The following SRGAP1 variants were observed in gnomAD, a reference collection of about 807,000 sequenced individuals.
SRGAP1 encodes SLIT-ROBO Rho GTPase activating protein 1.
Under a neutral mutation model 121.9 loss-of-function variants are expected in SRGAP1, and 43 were observed. That is an observed-to-expected ratio of 0.35 (90% CI 0.28 to 0.46). The LOEUF (loss-of-function observed/expected upper bound fraction) is 0.46. Among genes scored for constraint, SRGAP1 ranks in the 20% least tolerant of loss-of-function variants. The probability of loss-of-function intolerance (pLI) is 1.00; values close to 1 mark genes in which losing one functional copy is unlikely to be tolerated. For missense variants in SRGAP1, 1,102 were observed against 1,350.9 expected (o/e 0.82, Z 2.89); for synonymous variants, 447 against 485.4 (o/e 0.92, Z 1.04).
chr12:63,851,120 C>T (rs1899060156), intron 1 of SRGAP1, among the ~76,000 whole-genome samples: 1 of 152,184 alleles, frequency 6.6e-6, no homozygotes, highest in African/African-American at 2.4e-5. Flanking sequence ...TGTGCCACTG[C>T]ACTCCAGCCT....
chr12:64,061,131 T>G (rs573662523), intron 6 of SRGAP1, among the ~76,000 whole-genome samples: 1 of 152,316 alleles, frequency 6.6e-6, no homozygotes, highest in South Asian at 2.1e-4. Flanking sequence ...TCAAGTCATA[T>G]TCTCTTAAAA....
intron 16 of SRGAP1, 91 bp from the exon 17 acceptor site, chr12:64,111,671 T>C (rs1256754740): frequency 9.1e-7 from 1 of 1,101,354 alleles, no homozygotes; most frequent in East Asian, 2.6e-5. Context: ...TGAAGTATCT[T>C]ATTAAAGTAT....
At chr12:63,937,294 T>C (rs2136345878) in intron 1 of SRGAP1, among the ~76,000 whole-genome samples, 1 of 152,284 alleles carries the variant, frequency 6.6e-6, no homozygotes. Context: ...CCCATAATCA[T>C]ACAGCACAAA....
chr12:63,931,004 T>C (rs1470879953), intron 1 of SRGAP1, among the ~76,000 whole-genome samples: 1 of 152,192 alleles, frequency 6.6e-6, no homozygotes, highest in East Asian at 1.9e-4. Context: ...TGTGCATTTG[T>C]GTAGCCAGTG....
At chr12:63,996,959 G>A (rs2033729704) in intron 3 of SRGAP1, among the ~76,000 whole-genome samples, 1 of 151,954 alleles carries the variant, frequency 6.6e-6, no homozygotes, top group Non-Finnish European at 1.5e-5. Flanking sequence ...TATCAGGATG[G>A]CAAGCACATA....
intron 1 of SRGAP1, among the ~76,000 whole-genome samples, chr12:63,851,513 C>T (rs1330622947): frequency 6.6e-6 from 1 of 151,926 alleles, no homozygotes; most frequent in East Asian, 1.9e-4. Context: ...TGTGTGATCT[C>T]TAAGAGTCAA....
At chr12:64,035,462 TGGTATTCAGACACTCA>T (rs895651107) in intron 4 of SRGAP1, among the ~76,000 whole-genome samples, 7 of 152,196 alleles carry the variant, frequency 4.6e-5, no homozygotes, top group Non-Finnish European at 1.0e-4. Context: ...GCACAGTGTC[TGGTATTCAGACACTCA>T]GTAGCTGTTT....
Position 64,133,772 on chromosome 12 carries a change from C to T in SRGAP1, c.2880+5572C>T, listed in dbSNP as rs532147056. Among the ~76,000 whole-genome samples the T allele has an allele frequency of 2.1e-4, 32 of 152,254 alleles. 1 individual carries two copies. Among genetic ancestry groups the T allele is most frequent in the Middle Eastern group, 3.4e-3 (1 of 294 alleles). On this transcript the variant is annotated intron_variant, in intron 21 of 21. Coordinates refer to ENST00000355086, the MANE Select transcript of SRGAP1 (RefSeq NM_020762.4). The stretch of plus-strand genomic sequence containing the variant: ...CTCTGTTTTCATAATTCAAATTAGT[C>T]TTTTGTCCATCCAACCTAGAAGTTT...
intron 1 of SRGAP1, among the ~76,000 whole-genome samples, chr12:63,975,809 A>G (rs1347274372): frequency 1.3e-5 from 2 of 152,170 alleles, no homozygotes; most frequent in Non-Finnish European, 2.9e-5. Context: ...GAAGACAGAA[A>G]TGAGTGATTC....
intron 10 of SRGAP1, chr12:64,080,710 C>T: frequency 2.6e-6 from 1 of 379,088 alleles, no homozygotes. Context: ...GTCTCTTCTT[C>T]CTTCCCTTCT....
intron 1 of SRGAP1, among the ~76,000 whole-genome samples, chr12:63,903,645 T>C (rs916495090): frequency 2.0e-5 from 3 of 150,634 alleles, no homozygotes; most frequent in African/African-American, 5.0e-5. Context: ...CACCGCAACG[T>C]CTGCCTTGAG....
chr12:64,032,591 C>G (rs1214919000), intron 4 of SRGAP1: 2 of 646,624 alleles, frequency 3.1e-6, no homozygotes, highest in Admixed American at 2.8e-5. Flanking sequence ...ATAAGTCCTG[C>G]CCCCGACAGC....
chr12:64,095,018 AT>A (rs1252212398), intron 13 of SRGAP1, 26 bp downstream of exon 13: 9 of 1,613,110 alleles, frequency 5.6e-6, no homozygotes, highest in Middle Eastern at 1.7e-4. Context: ...CAGAATTCTT[AT>A]TTTTTAAAAA....
chr12:63,886,016 A>G (rs555796235), intron 1 of SRGAP1, among the ~76,000 whole-genome samples: 19 of 152,360 alleles, frequency 1.2e-4, no homozygotes, highest in African/African-American at 4.3e-4. Flanking sequence ...TCATTGGATT[A>G]AAGTTTGGAT....
intron 3 of SRGAP1, among the ~76,000 whole-genome samples, chr12:64,013,385 A>G (rs561263695): frequency 1.3e-5 from 2 of 152,202 alleles, no homozygotes; most frequent in Non-Finnish European, 2.9e-5. Flanking sequence ...TTCATGTTTC[A>G]CAAATTAGTC....
At chr12:64,085,992 A>T (rs2035930044) in intron 10 of SRGAP1, among the ~76,000 whole-genome samples, 1 of 152,232 alleles carries the variant, frequency 6.6e-6, no homozygotes, top group Admixed American at 6.5e-5. Context: ...AAGAGGAGAT[A>T]ATAGAGTCAA....
intron 1 of SRGAP1, among the ~76,000 whole-genome samples, chr12:63,919,499 C>CATTATAT (rs2030945439): frequency 7.5e-6 from 1 of 134,190 alleles, no homozygotes; most frequent in African/African-American, 3.1e-5. Flanking sequence ...CTTAACATTA[C>CATTATAT]ATATATATAT....
intron 10 of SRGAP1, among the ~76,000 whole-genome samples, chr12:64,082,220 CAT>C (rs756507814): frequency 6.6e-5 from 10 of 151,876 alleles, no homozygotes; most frequent in East Asian, 1.9e-4. Context: ...CTTGCAGACA[CAT>C]GTGTTAATAT....
Position 64,127,975 on chromosome 12 carries a change from G to C in SRGAP1, c.2655G>C (p.Gly885=). The change falls in exon 21 of 22, where the codon GGG becomes GGC. Residue 885 remains glycine, a synonymous_variant. Coordinates refer to ENST00000355086, the MANE Select transcript of SRGAP1 (RefSeq NM_020762.4). ...TTTCTAACTCCTCAGTTGACCTAGG[G>C]TCCCCAAGCCTTGCCAGTCACCCCC... ...HALSNSSVDL[G]SPSLASHPRG... 6.2e-7 allele frequency: 1 copy of C among 1,614,176 alleles called. No individual in the cohort carries two copies. The highest frequency in any genetic ancestry group is 8.5e-7 in the Non-Finnish European group (1 of 1,180,040).
Sources: gnomAD v4.1 joint callset for allele counts (sites outside exome capture counted in the v4.1 genomes callset) on GRCh38, gnomAD v4.1.1 for gene constraint, MANE v1.5 for transcripts, NCBI Gene and HGNC (gene_info 2026-07-23, HGNC 2026-07-21) for gene names.